ZNF608: variants seen among roughly 807,000 people sequenced by gnomAD.
ZNF608 encodes the protein zinc finger protein 608, also known as renal carcinoma antigen NY-REN-36.
Under a neutral mutation model 109.0 loss-of-function variants are expected in ZNF608, and 12 were observed. That is an observed-to-expected ratio of 0.11 (90% CI 0.07 to 0.18). The LOEUF is 0.18. Among genes scored for constraint, ZNF608 ranks in the 10% least tolerant of loss-of-function variants. The pLI is 1.00. For synonymous variants in ZNF608, 732 were observed against 717.4 expected (o/e 1.02, Z -0.33); for missense variants, 1,707 against 1,879.3 (o/e 0.91, Z 1.70).
At chr5:124,699,980 G>C (rs1322386982) in intron 3 of ZNF608, among the ~76,000 whole-genome samples, 5 of 144,944 alleles carry the variant, frequency 3.4e-5, no homozygotes, top group African/African-American at 7.7e-5. Context: ...GTGAGTCTCA[G>C]ACCCTTCTTG....
chr5:124,670,189 C>T lies in ZNF608; in HGVS notation c.1163-20492G>A, dbSNP rs1167429118. ...TGCTGTGGCTACTCACAAAAGATGACGGAGCCCAGCAATCCTTTCTTCACA... is the reference window on the plus strand; with the variant it reads ...TGCTGTGGCTACTCACAAAAGATGATGGAGCCCAGCAATCCTTTCTTCACA... On this transcript the variant is annotated intron_variant, in intron 3 of 9. Coordinates refer to ENST00000513986, the MANE Select transcript of ZNF608 (RefSeq NM_020747.3). 2.6e-5 allele frequency among the ~76,000 whole-genome samples: 4 copies of T among 152,134 alleles called. No homozygotes were observed. The South Asian group carries it at 6.2e-4, about 24-fold the overall frequency.
In ZNF608 at chr5:124,639,227, A is replaced by G; in HGVS notation, c.4451-13T>C. The G allele has an allele frequency of 6.2e-7, 1 of 1,613,354 alleles. No homozygotes were observed. Among genetic ancestry groups the G allele is most frequent in the Non-Finnish European group, 8.5e-7 (1 of 1,179,266 alleles). ...GCAGAGGTCAAGCCTAATGGGGAAAAAATGTAGAGTGTCTGTGATCTTTAG... is the reference window on the plus strand; with the variant it reads ...GCAGAGGTCAAGCCTAATGGGGAAAGAATGTAGAGTGTCTGTGATCTTTAG... On this transcript the variant is annotated splice_polypyrimidine_tract_variant and intron_variant, in intron 8 of 9. Coordinates refer to ENST00000513986, the MANE Select transcript of ZNF608 (RefSeq NM_020747.3).
At chr5:124,666,709 CTGTGTGTGTGTGTGTGTGTG>C (rs10546271) in intron 3 of ZNF608, among the ~76,000 whole-genome samples, 34 of 141,054 alleles carry the variant, frequency 2.4e-4, no homozygotes, top group South Asian at 1.9e-3. Flanking sequence ...TGGGTTTGCT[CTGTGTGTGTGTGTGTGTGTG>C]TGTGTGTGTG....
In ZNF608 at chr5:124,744,756, G is replaced by A. The variant is rs1466314338; in HGVS notation, c.234C>T (p.Ala78=). 5 of 1,614,230 alleles carry A rather than the reference G, an allele frequency of 3.1e-6. No individual in the cohort carries two copies. The highest frequency in any genetic ancestry group is 3.3e-5 in the Admixed American group (2 of 60,024). ...AAGCAAATTTTAGGCCATCAGCTAAGGCTGCGGTAGCACCAGCCCCACTGG... is the reference window on the plus strand; with the variant it reads ...AAGCAAATTTTAGGCCATCAGCTAAAGCTGCGGTAGCACCAGCCCCACTGG... The part of the protein sequence containing the change: ...PASSGAGATA[A]LADGLKFASV... The change falls in exon 2 of 10, where the codon GCC becomes GCT. Residue 78 remains alanine, a synonymous_variant. Transcript: ENST00000513986. This position sits in a 1 kb window ranked among gnomAD's most constrained non-coding sequence, Gnocchi z 4.5.
intron 2 of ZNF608, among the ~76,000 whole-genome samples, chr5:124,727,998 C>G (rs1479539738): frequency 6.6e-6 from 1 of 152,134 alleles, no homozygotes; most frequent in Non-Finnish European, 1.5e-5. Flanking sequence ...CTCGGCTTCC[C>G]AAAGTCCTGG....
At chr5:124,747,171 T>TTC (rs1749669216), upstream of ZNF608, among the ~76,000 whole-genome samples, 1 of 150,948 alleles carries the variant, frequency 6.6e-6, no homozygotes, top group African/African-American at 2.4e-5. Context: ...TTGTTTTCTT[T>TTC]TTTTTTTTTT....
chr5:124,639,217 A>G lies in ZNF608; in HGVS notation c.4451-3T>C, dbSNP rs1444015920. 6.2e-7 allele frequency: 1 copy of G among 1,613,918 alleles called. No homozygotes were observed. Among genetic ancestry groups the G allele is most frequent in the African/African-American group, 1.3e-5 (1 of 74,944 alleles). ...AACAAGGGCAGCAGAGGTCAAGCCTAATGGGGAAAAAATGTAGAGTGTCTG... is the reference window on the plus strand; with the variant it reads ...AACAAGGGCAGCAGAGGTCAAGCCTGATGGGGAAAAAATGTAGAGTGTCTG... On this transcript the variant is annotated splice_polypyrimidine_tract_variant and splice_region_variant and intron_variant, in intron 8 of 9. Transcript: ENST00000513986.
intron 3 of ZNF608, among the ~76,000 whole-genome samples, chr5:124,697,953 C>T (rs1752915161): frequency 6.6e-6 from 1 of 152,176 alleles, no homozygotes; most frequent in Non-Finnish European, 1.5e-5. Context: ...GTGGAAAACA[C>T]TACCAGTTAC....
chr5:124,703,494 A>G (rs1361297124), intron 2 of ZNF608, among the ~76,000 whole-genome samples: 1 of 152,174 alleles, frequency 6.6e-6, no homozygotes, highest in Non-Finnish European at 1.5e-5. Context: ...GGCCAGGTGT[A>G]GTGGCTCACA....
Position 124,641,888 on chromosome 5 carries a change from C to G in ZNF608, c.4297-483G>C, listed in dbSNP as rs1422146623. 2.6e-5 allele frequency among the ~76,000 whole-genome samples: 4 copies of G among 152,236 alleles called. No individual in the cohort carries two copies. In the East Asian group the frequency reaches 7.7e-4, roughly 29 times the overall value. On this transcript the variant is annotated intron_variant, in intron 7 of 9. Transcript: ENST00000513986. ...TAAAGTTATATGCCAATATAAAGCA[C>G]AAGAAATCACTGTCCTACACCCACA...
intron 2 of ZNF608, among the ~76,000 whole-genome samples, chr5:124,732,495 C>T (rs1748953479): frequency 6.6e-6 from 1 of 150,454 alleles, no homozygotes; most frequent in Non-Finnish European, 1.5e-5. Context: ...GGACAAATGC[C>T]ATGATTTCTG....
chr5:124,743,982 C>G, intron 2 of ZNF608, 102 bp downstream of exon 2: 1 of 1,466,246 alleles, frequency 6.8e-7, no homozygotes, highest in Non-Finnish European at 9.1e-7. Context: ...CACAAAGAAC[C>G]AGAAAGCATA....
At chr5:124,677,976 C>A (rs577882066) in intron 3 of ZNF608, among the ~76,000 whole-genome samples, 1 of 152,180 alleles carries the variant, frequency 6.6e-6, no homozygotes, top group Non-Finnish European at 1.5e-5. Flanking sequence ...ATTTTATTAG[C>A]CCCAATATAT....
intron 2 of ZNF608, among the ~76,000 whole-genome samples, chr5:124,706,448 A>T (rs1753263005): frequency 6.6e-6 from 1 of 152,240 alleles, no homozygotes; most frequent in Non-Finnish European, 1.5e-5. Flanking sequence ...ACCAAATGCT[A>T]GTATTTGCTA....
intron 2 of ZNF608, among the ~76,000 whole-genome samples, chr5:124,731,832 C>CA (rs1013022547): frequency 1.3e-5 from 2 of 150,260 alleles, no homozygotes; most frequent in Non-Finnish European, 3.0e-5. Flanking sequence ...TCTCAAAAAA[C>CA]AAAAAAAAAG....
chr5:124,718,749 C>T (rs1399357406), intron 2 of ZNF608, among the ~76,000 whole-genome samples: 1 of 152,128 alleles, frequency 6.6e-6, no homozygotes, highest in African/African-American at 2.4e-5. Context: ...GCAATGCTGC[C>T]AATTTCTTGG....
intron 2 of ZNF608, among the ~76,000 whole-genome samples, chr5:124,714,225 T>C (rs1179385182): frequency 6.6e-6 from 1 of 152,206 alleles, no homozygotes; most frequent in Non-Finnish European, 1.5e-5. Context: ...TTTGGTAACA[T>C]TTTCAGTTTG....
intron 3 of ZNF608, among the ~76,000 whole-genome samples, chr5:124,662,065 A>G (rs1751286604): frequency 6.6e-6 from 1 of 152,160 alleles, no homozygotes; most frequent in South Asian, 2.1e-4. Context: ...CATGAATTCA[A>G]AATTGCTGCT....
At position 124,648,948 on chromosome 5, in the gene ZNF608, C is replaced by T. The variant is rs777103523; in HGVS notation, c.1436G>A (p.Arg479Gln). Residue 479 changes from arginine (R) to glutamine (Q), a missense_variant, in exon 5 of 10, where the codon CGA becomes CAA. Physicochemically the swap from Arg to Gln is conservative, Grantham distance 43 (BLOSUM62 1). Coordinates refer to ENST00000513986, the MANE Select transcript of ZNF608 (RefSeq NM_020747.3). ...AGCAGCACAATTTGGGGGTGTCCTT[C>T]GTCCGCTGGCATTGAGGCTGCCCCG... Reference protein sequence around the residue: ...GRRGSLNASGRRTPPNCAAED... With the variant: ...GRRGSLNASGQRTPPNCAAED... 3 of 1,613,936 alleles carry T rather than the reference C, an allele frequency of 1.9e-6. No individual in the cohort carries two copies. Among genetic ancestry groups the T allele is most frequent in the South Asian group, 1.1e-5 (1 of 91,052 alleles).
Sources: allele counts gnomAD v4.1 joint callset (sites outside exome capture counted in the v4.1 genomes callset), GRCh38; gene constraint gnomAD v4.1.1; non-coding constraint Gnocchi (gnomAD v3.1); transcripts MANE v1.5; gene names NCBI Gene and HGNC (gene_info 2026-07-23, HGNC 2026-07-21).